CARNMT1: variants seen among roughly 807,000 people sequenced by gnomAD.
CARNMT1 encodes protein-L-histidine N-pros-methyltransferase CARNMT1.
In CARNMT1, 28 loss-of-function variants were observed where a neutral mutation model predicts 49.6. That is an observed-to-expected ratio of 0.56 (90% CI 0.42 to 0.77). CARNMT1 has a LOEUF of 0.77. CARNMT1 is among the 30% of genes least tolerant of loss of function. The pLI, the probability that CARNMT1 is intolerant of heterozygous loss-of-function variation, is 0.00. For synonymous variants in CARNMT1, 178 were observed against 175.0 expected, an observed-to-expected ratio of 1.02 and a Z score of -0.13; for missense variants, 421 against 512.6, an observed-to-expected ratio of 0.82 and a Z score of 1.73.
intron 3 of CARNMT1, chr9:75,009,885 C>T (rs1330709018): frequency 6.6e-6 from 1 of 152,008 alleles, no homozygotes; most frequent in Non-Finnish European, 1.5e-5. Flanking sequence ...GTCGCACAAA[C>T]AGAATGTAAG....
At chr9:74,997,413 A>G (rs1833218976) in intron 5 of CARNMT1, among the ~76,000 whole-genome samples, 1 of 152,190 alleles carries the variant, frequency 6.6e-6, no homozygotes, top group South Asian at 2.1e-4. Context: ...CCCTGCTTTA[A>G]GCCCTCCAAT....
upstream of CARNMT1, chr9:75,028,297 G>C (rs1822593026): frequency 7.5e-7 from 1 of 1,334,770 alleles, no homozygotes; most frequent in African/African-American, 1.5e-5. Flanking sequence ...CGACAGCGTG[G>C]TGGCGGCTGC....
intron 2 of CARNMT1, chr9:75,016,788 G>T (rs1211185674): frequency 7.6e-6 from 2 of 262,734 alleles, no homozygotes; most frequent in African/African-American, 4.4e-5. Context: ...ACACTGGAGT[G>T]GCCCAACTGT....
Position 75,028,086 on chromosome 9 carries a change from G to A in CARNMT1, c.156C>T (p.Arg52=), listed in dbSNP as rs1361815171. The A allele has an allele frequency of 6.4e-7, 1 of 1,560,692 alleles. No homozygotes were observed. The highest frequency in any genetic ancestry group is 1.4e-5 in the African/African-American group (1 of 70,926). Residue 52 remains arginine, a synonymous_variant, in exon 1 of 8, where the codon CGC becomes CGT. Transcript: ENST00000376834. ...GCCTCTCCTCCTCCTCCTCGGTGCT[G>A]CGCGTGGCCGCCGCCGCTGCCGCCG... ...AVSAAAAAAT[R]STEEEEERLE... is the part of the protein sequence containing the mutation.
chr9:75,025,582 T>G (rs944577891), intron 1 of CARNMT1, among the ~76,000 whole-genome samples: 4 of 152,244 alleles, frequency 2.6e-5, no homozygotes, highest in African/African-American at 9.6e-5. Context: ...TCTACACATA[T>G]GCATTCATGG....
chr9:74,999,650 A>G (rs1833297037), intron 4 of CARNMT1, 80 bp downstream of exon 4: 2 of 1,297,412 alleles, frequency 1.5e-6, no homozygotes, highest in Non-Finnish European at 2.1e-6. Flanking sequence ...TTATCTTCAA[A>G]TTCAAAATTG....
At chr9:75,001,111 G>T (rs1211981371) in intron 3 of CARNMT1, among the ~76,000 whole-genome samples, 2 of 151,992 alleles carry the variant, frequency 1.3e-5, no homozygotes, top group Non-Finnish European at 2.9e-5. Context: ...GCAAGTGGCT[G>T]TTCTCAGTTT....
intron 4 of CARNMT1, 86 bp from the exon 5 acceptor site, chr9:74,998,862 T>C (rs1009750574): frequency 1.2e-5 from 9 of 733,642 alleles, no homozygotes; most frequent in South Asian, 3.2e-5. Context: ...TACTGTTTAA[T>C]TGAAGATTTG....
At chr9:75,002,323 G>A (rs1372799794) in intron 3 of CARNMT1, among the ~76,000 whole-genome samples, 1 of 152,116 alleles carries the variant, frequency 6.6e-6, no homozygotes, top group African/African-American at 2.4e-5. Context: ...TGTCTTGTTG[G>A]GTCATTATGA....
intron 1 of CARNMT1, among the ~76,000 whole-genome samples, chr9:75,025,255 A>T (rs1417384312): frequency 1.3e-5 from 2 of 152,332 alleles, no homozygotes; most frequent in East Asian, 3.9e-4. Flanking sequence ...ATTGCATTAA[A>T]TTTGATGAAA....
In CARNMT1 at chr9:74,995,930, AAGT is replaced by A. The variant is rs1382075680; in HGVS notation, c.1024+514_1024+516del. The A allele has an allele frequency of 2.0e-5, 3 of 152,318 alleles. No homozygotes were observed. The East Asian group carries it at 5.8e-4, about 29-fold the overall frequency. The allele number at this position is 152,318 out of a possible 1,614,324, so 9.4% of individuals were successfully genotyped here. On this transcript the variant is annotated intron_variant, in intron 6 of 7. Transcript: ENST00000376834. ...CATTTAATTTCTAACATCGAGTAGT[AAGT>A]AGAATGCAGTAAAAAAAAATTTTGC...
intron 3 of CARNMT1, among the ~76,000 whole-genome samples, chr9:75,014,714 GT>G (rs1386839032): frequency 6.6e-6 from 1 of 152,128 alleles, no homozygotes; most frequent in Non-Finnish European, 1.5e-5. Flanking sequence ...AGGCATAGTG[GT>G]AGGTGTCTGT....
intron 1 of CARNMT1, 137 bp downstream of exon 1, chr9:75,027,875 G>C (rs1033395410): frequency 1.0e-5 from 10 of 986,952 alleles, no homozygotes; most frequent in East Asian, 6.6e-5. Flanking sequence ...TCGGGGCCCG[G>C]AGGTCAGCTG....
chr9:75,000,864 G>A (rs905535357), intron 3 of CARNMT1, among the ~76,000 whole-genome samples: 7 of 151,942 alleles, frequency 4.6e-5, no homozygotes, highest in Non-Finnish European at 7.4e-5. Flanking sequence ...TATAACCTTT[G>A]CATGTCCCAC....
chr9:75,027,556 G>C, intron 1 of CARNMT1: 1 of 780,882 alleles, frequency 1.3e-6, no homozygotes, highest in Non-Finnish European at 1.6e-6. Context: ...TAACAGTTTG[G>C]GAAAATACGT....
At chr9:75,009,151 T>G (rs572691203) in intron 3 of CARNMT1, among the ~76,000 whole-genome samples, 19 of 150,108 alleles carry the variant, frequency 1.3e-4, no homozygotes, top group Admixed American at 5.3e-4. Context: ...CTTACCCACA[T>G]ATAAAAATTA....
At chr9:75,021,881 C>A (rs1297855412) in intron 1 of CARNMT1, among the ~76,000 whole-genome samples, 2 of 151,766 alleles carry the variant, frequency 1.3e-5, no homozygotes, top group Non-Finnish European at 2.9e-5. Flanking sequence ...AAGGGGGCAG[C>A]GAGCTATGAT....
intron 4 of CARNMT1, 30 bp from the exon 5 acceptor site, chr9:74,998,806 T>A: frequency 1.5e-6 from 2 of 1,363,292 alleles, no homozygotes; most frequent in Non-Finnish European, 9.8e-7. Flanking sequence ...AATCAGGTGT[T>A]AACTAAATAT....
intron 7 of CARNMT1, among the ~76,000 whole-genome samples, chr9:74,984,523 G>C (rs1373191679): frequency 6.6e-6 from 1 of 152,134 alleles, no homozygotes; most frequent in East Asian, 1.9e-4. Flanking sequence ...AAAATGTTTT[G>C]AGCGCCTACA....
Sources: gnomAD v4.1 joint callset for allele counts (sites outside exome capture counted in the v4.1 genomes callset) on GRCh38, gnomAD v4.1.1 for gene constraint, MANE v1.5 for transcripts, NCBI Gene and HGNC (gene_info 2026-07-23, HGNC 2026-07-21) for gene names.